Variants in DCAF1 observed in about 807,000 individuals in gnomAD.
The protein encoded by DCAF1 is DDB1 and CUL4 associated factor 1, also known as DDB1- and CUL4-associated factor 1.
Under a neutral mutation model 128.0 loss-of-function variants are expected in DCAF1, and 15 were observed. The ratio of observed to expected loss-of-function variants is 0.12; its 90% CI spans 0.08 to 0.18. The LOEUF (loss-of-function observed/expected upper bound fraction) is 0.18, where lower values mean the gene tolerates loss of function less well. DCAF1 is among the 10% of genes least tolerant of loss of function. The probability of loss-of-function intolerance (pLI) is 1.00; values close to 1 mark genes in which losing one functional copy is unlikely to be tolerated. For synonymous variants in DCAF1, 610 were observed against 603.0 expected, an observed-to-expected ratio of 1.01 and a Z score of -0.17; for missense variants, 988 against 1,649.5, an observed-to-expected ratio of 0.60 and a Z score of 6.95.
intron 14 of DCAF1, among the ~76,000 whole-genome samples, chr3:51,421,273 T>C (rs1699365745): frequency 6.6e-6 from 1 of 152,328 alleles, no homozygotes; most frequent in Non-Finnish European, 1.5e-5. Flanking sequence ...TATTATTTTT[T>C]TGAGGCAGAG....
intron 4 of DCAF1, among the ~76,000 whole-genome samples, chr3:51,467,520 G>A (rs1704254356): frequency 6.6e-6 from 1 of 151,730 alleles, no homozygotes; most frequent in African/African-American, 2.4e-5. Context: ...GAGGGGAGAG[G>A]GACAGCATTA....
Position 51,462,509 on chromosome 3 carries a change from G to A in DCAF1, c.375+605C>T, listed in dbSNP as rs1703708936. On this transcript the variant is annotated intron_variant, in intron 6 of 24. Transcript: ENST00000684031. ...GCCTGTAATGCCAGCACTTTGGGAG[G>A]CCGAGGCAGGTGGATCACCTGAGGT... 2.0e-5 allele frequency among the ~76,000 whole-genome samples: 3 copies of A among 152,112 alleles called. No individual in the cohort carries two copies. The South Asian group carries it at 6.2e-4, about 31-fold the overall frequency.
chr3:51,442,016 A>G, intron 7 of DCAF1, 119 bp from the exon 8 acceptor site: 1 of 1,334,062 alleles, frequency 7.5e-7, no homozygotes, highest in Non-Finnish European at 1.0e-6. Context: ...AACGCCTGTA[A>G]TAGCAACAAT....
rs1553632763 is a variant in DCAF1 at position 51,422,332 on chromosome 3, C to G, written c.1947G>C (p.Glu649Asp). Residue 649 changes from glutamate to aspartate, a missense_variant, in exon 14 of 25, where the codon GAG becomes GAC. By Grantham distance (45) the Glu-to-Asp change is conservative (BLOSUM62 2). Transcript: ENST00000684031. The part of the protein sequence containing the change: ...QLAESVDVLD[E>D]AGSTVSTVGI... Reference sequence around the variant, plus strand: ...CTACAGTAGAGACTGTAGATCCAGCCTCATCCAACACGTCCACTGATTCTG... The same window carrying G: ...CTACAGTAGAGACTGTAGATCCAGCGTCATCCAACACGTCCACTGATTCTG... 7 of 766,624 alleles carry G rather than the reference C, an allele frequency of 9.1e-6. No homozygotes were observed. The highest frequency in any genetic ancestry group is 1.7e-5 in the African/African-American group (1 of 58,902). The allele number at this position is 766,624 out of a possible 1,614,324, so 47.5% of individuals were successfully genotyped here.
chr3:51,425,609 C>T (rs957541490), intron 13 of DCAF1, among the ~76,000 whole-genome samples: 1 of 133,434 alleles, frequency 7.5e-6, no homozygotes, highest in African/African-American at 2.9e-5. Flanking sequence ...GTTGCCCCGG[C>T]TAAAGTGCAG....
intron 2 of DCAF1, among the ~76,000 whole-genome samples, chr3:51,495,557 A>T (rs1553660391): frequency 6.6e-6 from 1 of 152,010 alleles, no homozygotes; most frequent in African/African-American, 2.4e-5. Flanking sequence ...CTTGTAACAG[A>T]CTTAACTAAT....
chr3:51,469,560 G>C (rs1704510008), intron 4 of DCAF1, among the ~76,000 whole-genome samples: 1 of 151,986 alleles, frequency 6.6e-6, no homozygotes. Context: ...ACAAAGGACT[G>C]CTTCAGGCTA....
At chr3:51,460,136 A>G (rs572701729) in intron 6 of DCAF1, among the ~76,000 whole-genome samples, 1 of 152,226 alleles carries the variant, frequency 6.6e-6, no homozygotes. Flanking sequence ...GGCAGATGAC[A>G]TGATTGTATA....
Position 51,398,996 on chromosome 3 carries a change from C to T in DCAF1, c.4466-169G>A, listed in dbSNP as rs369810708. Among the ~76,000 whole-genome samples, 52 of 152,350 alleles carry T rather than the reference C, an allele frequency of 3.4e-4. 1 individual carries two copies. In the South Asian group the frequency reaches 0.01, roughly 30 times the overall value. On this transcript the variant is annotated intron_variant, in intron 24 of 24. Transcript: ENST00000684031. ...TCCTTGGAGCTGGCTCTGGAGAATA[C>T]TCCTGTTGCTTGGCAGTTGTATTCT...
At chr3:51,490,080 T>C (rs782089151) in intron 2 of DCAF1, among the ~76,000 whole-genome samples, 14 of 152,096 alleles carry the variant, frequency 9.2e-5, no homozygotes, top group Admixed American at 2.6e-4. Flanking sequence ...TCATTTACAA[T>C]AGCACCAAAA....
At chr3:51,426,267 T>G (rs1699900985) in intron 13 of DCAF1, among the ~76,000 whole-genome samples, 1 of 152,116 alleles carries the variant, frequency 6.6e-6, no homozygotes, top group Non-Finnish European at 1.5e-5. Context: ...TGGAGTACAG[T>G]GGCGTGATCT....
upstream of DCAF1, among the ~76,000 whole-genome samples, chr3:51,504,327 C>T (rs1435942167): frequency 2.6e-5 from 4 of 151,912 alleles, no homozygotes; most frequent in South Asian, 4.1e-4. Flanking sequence ...TGAGCCACCG[C>T]GCCTGGCAAC....
At chr3:51,469,852 C>T (rs540649214) in intron 4 of DCAF1, among the ~76,000 whole-genome samples, 41 of 152,000 alleles carry the variant, frequency 2.7e-4, no homozygotes, top group African/African-American at 8.7e-4. Context: ...GAAACCCCTT[C>T]TCTATTAAAA....
intron 5 of DCAF1, among the ~76,000 whole-genome samples, chr3:51,465,719 T>C (rs1453637062): frequency 6.6e-6 from 1 of 152,080 alleles, no homozygotes; most frequent in African/African-American, 2.4e-5. Flanking sequence ...CACTCCAGCC[T>C]GGGCAACAAA....
intron 6 of DCAF1, among the ~76,000 whole-genome samples, chr3:51,450,924 A>G (rs1053941858): frequency 2.6e-5 from 4 of 152,082 alleles, no homozygotes; most frequent in African/African-American, 4.8e-5. Flanking sequence ...ACGTGATCTT[A>G]TATGTGTAAA....
At chr3:51,441,114 T>G (rs368176971) in intron 8 of DCAF1, 43 bp from the exon 9 acceptor site, 1,486 of 1,522,544 alleles carry the variant, frequency 9.8e-4, no homozygotes, top group Non-Finnish European at 1.3e-3. Context: ...TTGGCTTTAT[T>G]GTCATGTATT....
At chr3:51,465,758 A>G (rs909447609) in intron 5 of DCAF1, among the ~76,000 whole-genome samples, 30 of 152,232 alleles carry the variant, frequency 2.0e-4, no homozygotes, top group African/African-American at 7.2e-4. Flanking sequence ...AAAATAAATA[A>G]GCAAATAAAT....
At chr3:51,467,368 T>G (rs1011168056) in intron 4 of DCAF1, among the ~76,000 whole-genome samples, 8 of 152,030 alleles carry the variant, frequency 5.3e-5, no homozygotes, top group African/African-American at 1.9e-4. Context: ...TGGATGAAGC[T>G]GGAAACCATC....
chr3:51,413,256 T>A (rs76403425), intron 21 of DCAF1, 26 bp downstream of exon 21: 1,596,559 of 1,603,130 alleles, frequency 1, 795,216 homozygotes, highest in East Asian at 1. Context: ...CGACAAAATG[T>A]TCAATGTCTG....
Sources: allele counts gnomAD v4.1 joint callset (sites outside exome capture counted in the v4.1 genomes callset), GRCh38; gene constraint gnomAD v4.1.1; transcripts MANE v1.5; gene names NCBI Gene and HGNC (gene_info 2026-07-23, HGNC 2026-07-21).